Variants in DHRSX observed in about 807,000 individuals in gnomAD.
The protein encoded by DHRSX is polyprenol dehydrogenase.
DHRSX carries 31 observed loss-of-function variants against 34.0 expected under a neutral mutation model. The ratio of observed to expected loss-of-function variants is 0.91; its 90% CI spans 0.69 to 1.23. DHRSX has a LOEUF of 1.23. Among genes scored for constraint, DHRSX ranks in the 50% most tolerant of loss-of-function variants. The pLI, the probability that DHRSX is intolerant of heterozygous loss-of-function variation, is 0.00. For missense variants in DHRSX, 414 were observed against 428.1 expected (o/e 0.97, Z 0.29); for synonymous variants, 201 against 183.8 (o/e 1.09, Z -0.76).
intron 1 of DHRSX, among the ~76,000 whole-genome samples, chrX:2,482,203 C>T (rs1420034105): frequency 4.0e-5 from 6 of 151,008 alleles, no homozygotes. Flanking sequence ...GATCACATTT[C>T]ACTGCAGCCT....
intron 6 of DHRSX, among the ~76,000 whole-genome samples, chrX:2,231,632 C>G (rs2015884631): frequency 6.9e-6 from 1 of 145,872 alleles, no homozygotes; most frequent in East Asian, 2.0e-4. Flanking sequence ...ATCTCTTTCT[C>G]CCTTTCTCTT....
chrX:2,231,485 CCTCT>C (rs1569477295), intron 6 of DHRSX, among the ~76,000 whole-genome samples: 1 of 149,988 alleles, frequency 6.7e-6, no homozygotes, highest in Non-Finnish European at 1.5e-5. Flanking sequence ...TTATCCTCCT[CCTCT>C]TTCATTTCTT....
intron 5 of DHRSX, among the ~76,000 whole-genome samples, chrX:2,259,469 T>A (rs867594527): frequency 6.6e-6 from 1 of 151,150 alleles, no homozygotes; most frequent in African/African-American, 2.4e-5. Flanking sequence ...AAACAAAAAA[T>A]GTTAGAGCCG....
chrX:2,307,964 G>A (rs2042120296), intron 3 of DHRSX, among the ~76,000 whole-genome samples: 2 of 151,914 alleles, frequency 1.3e-5, no homozygotes, highest in Non-Finnish European at 2.9e-5. Flanking sequence ...CCTTTCCCAG[G>A]GCACCATGAG....
intron 2 of DHRSX, among the ~76,000 whole-genome samples, chrX:2,423,373 A>G (rs28491404): frequency 0.023 from 3,420 of 151,718 alleles, 113 homozygotes; most frequent in African/African-American, 0.079. Context: ...AGGTCGTGTC[A>G]CTGCATTCCA....
chrX:2,433,027 G>C (rs896102761), intron 1 of DHRSX, among the ~76,000 whole-genome samples: 1 of 152,100 alleles, frequency 6.6e-6, no homozygotes, highest in Non-Finnish European at 1.5e-5. Flanking sequence ...GGGAGGCTGA[G>C]ATGGGAGGAT....
intron 5 of DHRSX, among the ~76,000 whole-genome samples, chrX:2,248,632 AG>A (rs1317213695): frequency 6.4e-5 from 8 of 124,948 alleles, no homozygotes; most frequent in East Asian, 2.0e-4. Flanking sequence ...AAAAAGAAAA[AG>A]AAAAGAAAAG....
chrX:2,491,615 T>C (rs2045147845), intron 1 of DHRSX, among the ~76,000 whole-genome samples: 1 of 152,132 alleles, frequency 6.6e-6, no homozygotes, highest in South Asian at 2.1e-4. Flanking sequence ...CCAGCTTTCC[T>C]ATGGCTAAGA....
intron 1 of DHRSX, among the ~76,000 whole-genome samples, chrX:2,454,589 G>C (rs1031284781): frequency 6.6e-6 from 1 of 151,076 alleles, no homozygotes; most frequent in Non-Finnish European, 1.5e-5. Context: ...ATCTCCAATA[G>C]TGTGCATCAG....
intron 6 of DHRSX, among the ~76,000 whole-genome samples, chrX:2,223,419 G>A (rs2015565764): frequency 6.6e-6 from 1 of 152,082 alleles, no homozygotes; most frequent in South Asian, 2.1e-4. Flanking sequence ...AAATCACCCA[G>A]TCTTGGGCAT....
At chrX:2,339,319 A>C (rs1389303052) in intron 3 of DHRSX, among the ~76,000 whole-genome samples, 1 of 151,728 alleles carries the variant, frequency 6.6e-6, no homozygotes, top group African/African-American at 2.4e-5. Flanking sequence ...TTGTATTTTT[A>C]GTATAGACAG....
At chrX:2,331,438 T>G (rs1247062626) in intron 3 of DHRSX, among the ~76,000 whole-genome samples, 38 of 56,580 alleles carry the variant, frequency 6.7e-4, no homozygotes, top group African/African-American at 4.1e-3. Flanking sequence ...GTTTTTTGGT[T>G]TTTTTTTTTT....
chrX:2,265,779 C>T (rs1285368377), intron 5 of DHRSX, among the ~76,000 whole-genome samples: 7 of 142,404 alleles, frequency 4.9e-5, no homozygotes, highest in African/African-American at 1.1e-4. Flanking sequence ...GCAGGGAGCA[C>T]TGTCCCCAGA....
rs1482593697 is a variant in DHRSX, at chrX:2,331,761, T to A, written c.287-40158A>T. 9.2e-5 allele frequency among the ~76,000 whole-genome samples: 14 copies of A among 152,086 alleles called. No homozygotes were observed. The East Asian group carries it at 2.5e-3, about 27-fold the overall frequency. On this transcript the variant is annotated intron_variant, in intron 3 of 6. Coordinates refer to ENST00000334651, the MANE Select transcript of DHRSX (RefSeq NM_145177.3). ...CACCACGCCCGGCCCTGACTCGAAT[T>A]TTGAAAAAAGTTCTACTCTGGGTAA...
chrX:2,343,676 T>G (rs1209919116), intron 3 of DHRSX, among the ~76,000 whole-genome samples: 1 of 152,204 alleles, frequency 6.6e-6, no homozygotes, highest in Non-Finnish European at 1.5e-5. Context: ...CCTTGCAAGA[T>G]GGCGACCACT....
intron 6 of DHRSX, 105 bp from the exon 7 acceptor site, chrX:2,221,334 T>C: frequency 1.8e-6 from 2 of 1,139,524 alleles, no homozygotes; most frequent in Non-Finnish European, 2.5e-6. Flanking sequence ...AATATACTCA[T>C]CAGCTGCACT....
At position 2,282,807 on chromosome X, in the gene DHRSX, AG is replaced by A. The variant is rs1569483519; in HGVS notation, c.388+8694del. ...GGGAGAGAGAGAAGAAAGAGAGAAG[AG>A]AGAAAGAGAGAGAGGGAGAGAGAGG... On this transcript the variant is annotated intron_variant, in intron 4 of 6. Coordinates refer to ENST00000334651, the MANE Select transcript of DHRSX (RefSeq NM_145177.3). 1.6e-4 allele frequency among the ~76,000 whole-genome samples: 10 copies of A among 63,328 alleles called. 1 individual carries two copies. Among genetic ancestry groups the A allele is most frequent in the African/African-American group, 5.3e-4 (8 of 15,000 alleles). The allele number at this position is 63,328 out of a possible 152,430, so 41.5% of individuals were successfully genotyped here. A position where few individuals can be genotyped will look rare whatever the true frequency, so the allele number is the denominator to read the frequency against.
At chrX:2,356,439 CGTGTAGA>C (rs2042853435) in intron 3 of DHRSX, among the ~76,000 whole-genome samples, 1 of 151,214 alleles carries the variant, frequency 6.6e-6, no homozygotes, top group Non-Finnish European at 1.5e-5. Context: ...CTTGTGGAAG[CGTGTAGA>C]ATGTAGAAGA....
At chrX:2,367,744 ATAAC>A (rs2043011190) in intron 3 of DHRSX, among the ~76,000 whole-genome samples, 3 of 152,336 alleles carry the variant, frequency 2.0e-5, no homozygotes, top group Admixed American at 6.5e-5. Flanking sequence ...TACATAATTT[ATAAC>A]TAATTTAGCA....
Sources: gnomAD v4.1 joint callset for allele counts (sites outside exome capture counted in the v4.1 genomes callset) on GRCh38, gnomAD v4.1.1 for gene constraint, MANE v1.5 for transcripts, NCBI Gene and HGNC (gene_info 2026-07-23, HGNC 2026-07-21) for gene names.